Variants in CD99 observed in about 807,000 individuals in gnomAD.
The protein encoded by CD99 is CD99 molecule (Xg blood group).
In CD99, 19 loss-of-function variants were observed where a neutral mutation model predicts 28.4. The ratio of observed to expected loss-of-function variants is 0.67; its 90% CI spans 0.47 to 0.98. The LOEUF (loss-of-function observed/expected upper bound fraction) is 0.98, where lower values mean the gene tolerates loss of function less well. Among genes scored for constraint, CD99 ranks in the 50% least tolerant of loss-of-function variants. CD99 has a pLI of 0.00. For missense variants in CD99, 283 were observed against 248.8 expected (o/e 1.14, Z -0.92); for synonymous variants, 103 against 92.1 (o/e 1.12, Z -0.67).
chrX:2,720,455 C>T, intron 5 of CD99, 31 bp downstream of exon 5: 1 of 1,594,502 alleles, frequency 6.3e-7, no homozygotes, highest in Non-Finnish European at 8.6e-7. Flanking sequence ...GGGATGTCTT[C>T]ATGTTGTTCA....
chrX:2,705,790 C>T (rs2048084609), intron 1 of CD99, among the ~76,000 whole-genome samples: 2 of 152,116 alleles, frequency 1.3e-5, no homozygotes, highest in Non-Finnish European at 2.9e-5. Flanking sequence ...ACAATACTTC[C>T]AGAGCGATTC....
intron 1 of CD99, chrX:2,692,357 C>T (rs2047358964): frequency 5.6e-6 from 1 of 179,612 alleles, no homozygotes; most frequent in African/African-American, 2.4e-5. Flanking sequence ...CTTATCAGGG[C>T]TGGACGTATT....
At chrX:2,702,076 G>A (rs1166784815) in intron 1 of CD99, among the ~76,000 whole-genome samples, 4 of 152,224 alleles carry the variant, frequency 2.6e-5, no homozygotes, top group Non-Finnish European at 5.9e-5. Flanking sequence ...GTTGAGAACT[G>A]GGGTGCGGAG....
chrX:2,704,876 G>C (rs1345969830), intron 1 of CD99, among the ~76,000 whole-genome samples: 3 of 152,098 alleles, frequency 2.0e-5, no homozygotes, highest in Non-Finnish European at 4.4e-5. Context: ...CACAACACCT[G>C]TCTAATTTTT....
At chrX:2,727,269 T>C (rs1432919099) in intron 8 of CD99, 2 of 777,884 alleles carry the variant, frequency 2.6e-6, no homozygotes, top group Admixed American at 3.4e-5. Context: ...GAGGAGGACG[T>C]ACTCACCATT....
Position 2,732,571 on chromosome X carries a change from C to CTCTT in CD99, c.476-5627_476-5624dup, listed in dbSNP as rs1556338059. Among the ~76,000 whole-genome samples the CTCTT allele has an allele frequency of 9.0e-4, 129 of 143,842 alleles. 1 individual carries two copies. Among genetic ancestry groups the CTCTT allele is most frequent in the Middle Eastern group, 3.6e-3 (1 of 274 alleles). The allele number at this position is 143,842 out of a possible 152,430, so 94.4% of individuals were successfully genotyped here. ...TTTGCCCTCAGTTCTCCCTCTCTCT[C>CTCTT]TCTTTTCATTCTTTCTTGAACTCTC... On this transcript the variant is annotated intron_variant, in intron 8 of 9. Coordinates refer to ENST00000381192, the MANE Select transcript of CD99 (RefSeq NM_002414.5).
chrX:2,729,912 G>A (rs146948103), intron 8 of CD99, among the ~76,000 whole-genome samples: 11 of 152,198 alleles, frequency 7.2e-5, no homozygotes, highest in Middle Eastern at 3.4e-3. Flanking sequence ...CAGTGCTTTG[G>A]GAGTCCAAGG....
intron 7 of CD99, among the ~76,000 whole-genome samples, chrX:2,724,853 G>A (rs1469524538): frequency 2.7e-5 from 4 of 150,712 alleles, no homozygotes; most frequent in South Asian, 4.2e-4. Context: ...AGCTGAAATC[G>A]TGCCACTGCA....
At chrX:2,695,784 T>G (rs767337892) in intron 1 of CD99, among the ~76,000 whole-genome samples, 2 of 152,142 alleles carry the variant, frequency 1.3e-5, no homozygotes, top group South Asian at 4.2e-4. Context: ...CAGGCACATG[T>G]CACCACACCT....
chrX:2,694,463 A>G (rs1216513392), intron 1 of CD99, among the ~76,000 whole-genome samples: 1 of 151,790 alleles, frequency 6.6e-6, no homozygotes, highest in Non-Finnish European at 1.5e-5. Flanking sequence ...TTAACTCCCT[A>G]CTTTAGGCCG....
intron 7 of CD99, among the ~76,000 whole-genome samples, chrX:2,724,596 C>T (rs2049175511): frequency 6.6e-6 from 1 of 151,982 alleles, no homozygotes; most frequent in African/African-American, 2.4e-5. Flanking sequence ...TGGTGAAACC[C>T]CTTTTCTACA....
chrX:2,712,422 GA>G (rs34956282), intron 1 of CD99, among the ~76,000 whole-genome samples: 61,599 of 151,370 alleles, frequency 0.41, 14,171 homozygotes, highest in Non-Finnish European at 0.53. Flanking sequence ...TGTAAATAAA[GA>G]AAAAAAATAC....
At chrX:2,697,727 G>A (rs2047642003) in intron 1 of CD99, among the ~76,000 whole-genome samples, 1 of 152,098 alleles carries the variant, frequency 6.6e-6, no homozygotes. Context: ...AATATTGCCA[G>A]TCGGCCTCTT....
intron 8 of CD99, among the ~76,000 whole-genome samples, chrX:2,734,107 A>G (rs1417560597): frequency 3.3e-5 from 5 of 152,020 alleles, no homozygotes; most frequent in South Asian, 2.1e-4. Flanking sequence ...GAAAAACACA[A>G]ATTGTACCTG....
At chrX:2,705,836 C>T (rs2048086896) in intron 1 of CD99, among the ~76,000 whole-genome samples, 1 of 152,130 alleles carries the variant, frequency 6.6e-6, no homozygotes, top group Non-Finnish European at 1.5e-5. Context: ...GGTGTTTTGA[C>T]CATTTGAATA....
chrX:2,722,823 C>A, intron 6 of CD99, 149 bp downstream of exon 6: 1 of 875,140 alleles, frequency 1.1e-6, no homozygotes, highest in Non-Finnish European at 1.9e-6. Context: ...CGCCTGTTTG[C>A]TGAGGCTTCA....
chrX:2,729,101 G>T (rs1184267334), intron 8 of CD99, among the ~76,000 whole-genome samples: 1 of 152,158 alleles, frequency 6.6e-6, no homozygotes, highest in East Asian at 1.9e-4. Context: ...CTCCCAAAGT[G>T]TTGGGATTAT....
chrX:2,694,620 G>A (rs2047488561), intron 1 of CD99, among the ~76,000 whole-genome samples: 1 of 152,080 alleles, frequency 6.6e-6, no homozygotes, highest in Non-Finnish European at 1.5e-5. Flanking sequence ...GGGCGTGGTG[G>A]TGAGCGCCTA....
chrX:2,713,543 C>A (rs185819715), intron 1 of CD99, among the ~76,000 whole-genome samples: 147 of 152,290 alleles, frequency 9.7e-4, no homozygotes, highest in African/African-American at 3.3e-3. Flanking sequence ...TGCACACTCA[C>A]ACACACATAC....
Sources: gnomAD v4.1 joint callset for allele counts (sites outside exome capture counted in the v4.1 genomes callset) on GRCh38, gnomAD v4.1.1 for gene constraint, MANE v1.5 for transcripts, NCBI Gene and HGNC (gene_info 2026-07-23, HGNC 2026-07-21) for gene names.